The following CACNA1B variants were observed in gnomAD, a reference collection of about 807,000 sequenced individuals.
CACNA1B encodes calcium voltage-gated channel subunit alpha1 B, also known as voltage-dependent N-type calcium channel subunit alpha-1B.
Under a neutral mutation model 247.2 loss-of-function variants are expected in CACNA1B, and 70 were observed. The observed-to-expected ratio is 0.28, with a 90% CI of 0.23 to 0.35. The LOEUF is 0.35. Among genes scored for constraint, CACNA1B ranks in the 10% least tolerant of loss-of-function variants. The pLI, the probability that CACNA1B is intolerant of heterozygous loss-of-function variation, is 1.00. For synonymous variants in CACNA1B, 1,231 were observed against 1,294.4 expected (o/e 0.95, Z 1.05); for missense variants, 2,367 against 3,197.4 (o/e 0.74, Z 6.26).
At chr9:137,956,901 T>A in intron 9 of CACNA1B, 74 bp downstream of exon 9, 1 of 1,257,330 alleles carries the variant, frequency 8.0e-7, no homozygotes, top group Non-Finnish European at 1.2e-6. Context: ...ACGTGCCTGC[T>A]TGCATGTTTC....
Position 137,880,078 on chromosome 9 carries a change from C to T in CACNA1B, c.390+919C>T, listed in dbSNP as rs989520425. ...TCCCTCTTCCCTTAAGCCTGGCTTC[C>T]GCCCCCACTAGCATCCTGAGACAAG... On this transcript the variant is annotated intron_variant, in intron 2 of 46. Coordinates refer to ENST00000371372, the MANE Select transcript of CACNA1B (RefSeq NM_000718.4). This position sits in a 1 kb window ranked among gnomAD's most constrained non-coding sequence, Gnocchi z 4.8. Among the ~76,000 whole-genome samples, 13 of 152,204 alleles carry T rather than the reference C, an allele frequency of 8.5e-5. No homozygotes were observed. Among genetic ancestry groups the T allele is most frequent in the Admixed American group, 2.0e-4 (3 of 15,288 alleles).
intron 2 of CACNA1B, 28 bp downstream of exon 2, chr9:137,879,187 G>A: frequency 1.4e-6 from 2 of 1,471,692 alleles, no homozygotes; most frequent in African/African-American, 2.8e-5. Context: ...CCTGAGGGCA[G>A]GGTGGTGGGG....
At chr9:137,994,976 G>A (rs1004385547) in intron 15 of CACNA1B, among the ~76,000 whole-genome samples, 5 of 151,960 alleles carry the variant, frequency 3.3e-5, no homozygotes, top group Middle Eastern at 3.2e-3. Context: ...AGGCCAAGGC[G>A]GGCAGATTAC....
At chr9:137,893,901 G>A (rs577760880) in intron 3 of CACNA1B, among the ~76,000 whole-genome samples, 2 of 152,300 alleles carry the variant, frequency 1.3e-5, no homozygotes, top group East Asian at 3.9e-4. Context: ...CCCTTCTATG[G>A]CTGCACCCAC....
At chr9:138,099,289 G>A (rs373996283) in intron 37 of CACNA1B, among the ~76,000 whole-genome samples, 31 of 152,336 alleles carry the variant, frequency 2.0e-4, no homozygotes, top group Admixed American at 4.6e-4. Context: ...CACAAGGCGC[G>A]CACGTGTGTG....
At chr9:137,878,930 C>G in intron 1 of CACNA1B, 124 bp from the exon 2 acceptor site, 1 of 620,532 alleles carries the variant, frequency 1.6e-6, no homozygotes, top group South Asian at 1.9e-5. Flanking sequence ...AGAGGGGCTC[C>G]GGACCCAGTT....
At chr9:137,894,300 G>A (rs914079184) in intron 3 of CACNA1B, among the ~76,000 whole-genome samples, 1 of 122,090 alleles carries the variant, frequency 8.2e-6, no homozygotes, top group African/African-American at 3.9e-5. Context: ...GGTTGTCTCT[G>A]TATTTTTTTT....
At chr9:138,029,909 C>G (rs1202132828) in intron 20 of CACNA1B, among the ~76,000 whole-genome samples, 1 of 152,106 alleles carries the variant, frequency 6.6e-6, no homozygotes, top group African/African-American at 2.4e-5. Context: ...GCCACTGTGC[C>G]CAGCCCATTT....
chr9:137,882,124 G>A lies in CACNA1B; in HGVS notation c.391-620G>A, dbSNP rs1956931115. On this transcript the variant is annotated intron_variant, in intron 2 of 46. Coordinates refer to ENST00000371372, the MANE Select transcript of CACNA1B (RefSeq NM_000718.4). This position sits in a 1 kb window ranked among gnomAD's most constrained non-coding sequence, Gnocchi z 4.0. ...TGTTGTTTTCTGCCGAGATGTGCAT[G>A]TTCTGGTTACCCGGGTGCATGTTGA... is the stretch of plus-strand genomic sequence containing the variant. Among the ~76,000 whole-genome samples the A allele has an allele frequency of 6.6e-6, 1 of 152,200 alleles. No individual in the cohort carries two copies. Among genetic ancestry groups the A allele is most frequent in the South Asian group, 2.1e-4 (1 of 4,828 alleles).
chr9:138,043,151 G>T (rs1435941466), intron 20 of CACNA1B, among the ~76,000 whole-genome samples: 16 of 152,202 alleles, frequency 1.1e-4, no homozygotes, highest in Non-Finnish European at 1.5e-5. Context: ...CACAGCTGGG[G>T]TGTGGTGGGG....
rs1034130492 is a variant in CACNA1B, at chr9:138,073,827, C to T, written c.4792-174C>T. Among the ~76,000 whole-genome samples the T allele has an allele frequency of 5.3e-5, 8 of 152,170 alleles. No homozygotes were observed. Among genetic ancestry groups the T allele is most frequent in the East Asian group, 1.9e-4 (1 of 5,190 alleles). On this transcript the variant is annotated intron_variant, in intron 33 of 46. Coordinates refer to ENST00000371372, the MANE Select transcript of CACNA1B (RefSeq NM_000718.4). This position sits in a 1 kb window ranked among gnomAD's most constrained non-coding sequence, Gnocchi z 6.4. ...AACCCTGAGGTGGGTTTCATGACTC[C>T]GAGTTAGAGATAAAGAAACTGGGGC...
intron 36 of CACNA1B, among the ~76,000 whole-genome samples, chr9:138,095,302 G>A (rs1437668313): frequency 6.6e-6 from 1 of 152,176 alleles, no homozygotes; most frequent in Non-Finnish European, 1.5e-5. Flanking sequence ...CAGGGGATAA[G>A]AGTAGGCATT....
At chr9:137,895,246 T>C (rs1349716423) in intron 3 of CACNA1B, among the ~76,000 whole-genome samples, 2 of 152,222 alleles carry the variant, frequency 1.3e-5, no homozygotes, top group African/African-American at 2.4e-5. Flanking sequence ...ACGGTAGTTA[T>C]GTAATAAGGC....
intron 36 of CACNA1B, among the ~76,000 whole-genome samples, chr9:138,082,130 AG>A: frequency 6.6e-6 from 1 of 151,422 alleles, no homozygotes; most frequent in Non-Finnish European, 1.5e-5. Context: ...TCACAATAAA[AG>A]AAAAAATAAA....
chr9:137,942,669 G>A (rs1957746689), intron 6 of CACNA1B, among the ~76,000 whole-genome samples: 1 of 152,192 alleles, frequency 6.6e-6, no homozygotes, highest in South Asian at 2.1e-4. Context: ...GGCATTCACA[G>A]TGACCTTGAT....
intron 6 of CACNA1B, among the ~76,000 whole-genome samples, chr9:137,918,585 C>T (rs181813931): frequency 1.1e-3 from 169 of 152,108 alleles, no homozygotes; most frequent in African/African-American, 3.7e-3. Context: ...GCTTGGTCCA[C>T]GTGTGCCTGG....
intron 3 of CACNA1B, among the ~76,000 whole-genome samples, chr9:137,897,511 T>C (rs1957185846): frequency 6.6e-6 from 1 of 152,052 alleles, no homozygotes; most frequent in Non-Finnish European, 1.5e-5. Context: ...ACCCGGAAGG[T>C]AGAGGTTGCG....
intron 21 of CACNA1B, among the ~76,000 whole-genome samples, chr9:138,045,127 C>T (rs1037556161): frequency 6.6e-6 from 1 of 152,162 alleles, no homozygotes; most frequent in South Asian, 2.1e-4. Context: ...GAGGAACTAG[C>T]GGAGCATTCA....
rs1038138673 is a variant in CACNA1B, at chr9:137,899,507, G to T, written c.531-13673G>T. Among the ~76,000 whole-genome samples, 3 of 152,200 alleles carry T rather than the reference G, an allele frequency of 2.0e-5. No individual in the cohort carries two copies. The highest frequency in any genetic ancestry group is 2.9e-5 in the Non-Finnish European group (2 of 68,038). On this transcript the variant is annotated intron_variant, in intron 3 of 46. Transcript: ENST00000371372. The surrounding 1 kb of genome is among the most constrained non-coding windows in gnomAD (Gnocchi z 5.0). The stretch of plus-strand genomic sequence containing the variant: ...TGTGTGCTTGGGGTTGGGGTTCCCC[G>T]CATGCCATGCCTAGCTCTTCTTCTC...
Sources: allele counts gnomAD v4.1 joint callset (sites outside exome capture counted in the v4.1 genomes callset), GRCh38; gene constraint gnomAD v4.1.1; non-coding constraint Gnocchi (gnomAD v3.1); transcripts MANE v1.5; gene names NCBI Gene and HGNC (gene_info 2026-07-23, HGNC 2026-07-21).